Variants in PPP2R2C observed in about 807,000 individuals in gnomAD.
PPP2R2C encodes the protein protein phosphatase 2, regulatory subunit B, gamma.
Under a neutral mutation model 45.3 loss-of-function variants are expected in PPP2R2C, and 10 were observed. That is an observed-to-expected ratio of 0.22 (90% CI 0.14 to 0.37). PPP2R2C has a LOEUF of 0.37. Among genes scored for constraint, PPP2R2C ranks in the 10% least tolerant of loss-of-function variants. PPP2R2C has a pLI of 1.00. For synonymous variants in PPP2R2C, 257 were observed against 245.4 expected (o/e 1.05, Z -0.44); for missense variants, 308 against 619.7 (o/e 0.50, Z 5.34).
intron 3 of PPP2R2C, among the ~76,000 whole-genome samples, chr4:6,377,871 A>G (rs1715459226): frequency 6.6e-6 from 1 of 152,110 alleles, no homozygotes; most frequent in Non-Finnish European, 1.5e-5. Flanking sequence ...TGAGGGGTAC[A>G]TGCTCCTCCC....
chr4:6,562,081 T>C (rs1725595114), intron 1 of PPP2R2C, among the ~76,000 whole-genome samples: 1 of 152,132 alleles, frequency 6.6e-6, no homozygotes, highest in South Asian at 2.1e-4. Context: ...AAACCCTCAC[T>C]CCACAGCAGG....
chr4:6,532,787 T>C (rs1307505778), intron 2 of PPP2R2C, among the ~76,000 whole-genome samples: 1 of 152,204 alleles, frequency 6.6e-6, no homozygotes, highest in African/African-American at 2.4e-5. Context: ...ATCACCCACA[T>C]GGCCCCCGGT....
intron 2 of PPP2R2C, among the ~76,000 whole-genome samples, chr4:6,514,842 G>C (rs939953257): frequency 2.0e-5 from 3 of 152,220 alleles, no homozygotes; most frequent in African/African-American, 7.2e-5. Flanking sequence ...CTCCAGAAGA[G>C]GGTCTGCTCC....
intron 1 of PPP2R2C, among the ~76,000 whole-genome samples, chr4:6,470,014 C>A (rs745887080): frequency 5.9e-5 from 9 of 152,222 alleles, no homozygotes; most frequent in Non-Finnish European, 1.3e-4. Flanking sequence ...GAGGTCCCAG[C>A]ACACAGCAGG....
chr4:6,369,267 G>T (rs1714601440), intron 5 of PPP2R2C, among the ~76,000 whole-genome samples: 1 of 152,220 alleles, frequency 6.6e-6, no homozygotes, highest in African/African-American at 2.4e-5. Flanking sequence ...GCTGGTGGCT[G>T]CCGCCCCATG....
chr4:6,505,552 A>G (rs1340160562), intron 2 of PPP2R2C, among the ~76,000 whole-genome samples: 2 of 152,250 alleles, frequency 1.3e-5, no homozygotes, highest in Non-Finnish European at 2.9e-5. Context: ...AAATTAATAA[A>G]CTTTTCATAG....
At chr4:6,350,542 A>G in intron 5 of PPP2R2C, 1 of 985,424 alleles carries the variant, frequency 1.0e-6, no homozygotes. Context: ...TTGCGTCATC[A>G]GGACACTCAT....
intron 1 of PPP2R2C, among the ~76,000 whole-genome samples, chr4:6,465,740 A>G (rs1213181344): frequency 6.6e-6 from 1 of 152,196 alleles, no homozygotes; most frequent in Non-Finnish European, 1.5e-5. Flanking sequence ...CAAACATAAG[A>G]GCACGTAACT....
chr4:6,468,893 A>C (rs1266780078), intron 1 of PPP2R2C, among the ~76,000 whole-genome samples: 1 of 151,712 alleles, frequency 6.6e-6, no homozygotes, highest in Non-Finnish European at 1.5e-5. Flanking sequence ...GAGACTTCCT[A>C]GCACCCTCCA....
rs978391579 is a variant in PPP2R2C at position 6,348,114 on chromosome 4, G to A, written c.626-104C>T. The A allele has an allele frequency of 1.0e-4, 140 of 1,333,388 alleles. 1 individual carries two copies. The Admixed American group carries it at 1.3e-3, about 12-fold the overall frequency. 82.6% of individuals were successfully genotyped at this position (1,333,388 alleles called of 1,614,324 possible). A position where few individuals can be genotyped will look rare whatever the true frequency, so the allele number is the denominator to read the frequency against. On this transcript the variant is annotated intron_variant, in intron 5 of 8. Transcript: ENST00000382599. Reference sequence around the variant, plus strand: ...TCCCGAGGCAAAACCGTCCACCCTCGCGTCTGAGCTGCCTCTCTGTTCCTG... The same window carrying A: ...TCCCGAGGCAAAACCGTCCACCCTCACGTCTGAGCTGCCTCTCTGTTCCTG...
intron 2 of PPP2R2C, among the ~76,000 whole-genome samples, chr4:6,489,247 A>G (rs138130672): frequency 1.4e-4 from 21 of 152,272 alleles, no homozygotes; most frequent in African/African-American, 3.6e-4. Flanking sequence ...CTGATGTCCA[A>G]TTGCTTGAAA....
intron 2 of PPP2R2C, among the ~76,000 whole-genome samples, chr4:6,494,780 T>C (rs961463778): frequency 8.5e-5 from 13 of 152,232 alleles, no homozygotes; most frequent in Non-Finnish European, 4.4e-5. Context: ...TCCTGGAGTG[T>C]GGCTGGAGAG....
At chr4:6,398,312 G>A (rs1026553139) in intron 1 of PPP2R2C, among the ~76,000 whole-genome samples, 3 of 138,916 alleles carry the variant, frequency 2.2e-5, no homozygotes, top group Non-Finnish European at 4.8e-5. Context: ...AAAAGAAAAT[G>A]GCAAGGCATG....
At chr4:6,470,606 A>G (rs909947980) in intron 1 of PPP2R2C, among the ~76,000 whole-genome samples, 2 of 152,158 alleles carry the variant, frequency 1.3e-5, no homozygotes, top group South Asian at 2.1e-4. Context: ...GGCCCGAGCC[A>G]GGCCACCGAG....
At chr4:6,448,248 C>T (rs989801551) in intron 1 of PPP2R2C, among the ~76,000 whole-genome samples, 6 of 152,252 alleles carry the variant, frequency 3.9e-5, no homozygotes, top group African/African-American at 1.4e-4. Context: ...CTGTTTGATC[C>T]CTGCTTTACT....
At chr4:6,450,477 AAGG>A (rs1464978413) in intron 1 of PPP2R2C, among the ~76,000 whole-genome samples, 1 of 152,162 alleles carries the variant, frequency 6.6e-6, no homozygotes, top group Non-Finnish European at 1.5e-5. Flanking sequence ...CAAGCACTGG[AAGG>A]AGAAGGAAGA....
chr4:6,560,949 C>G (rs572028993), intron 1 of PPP2R2C, among the ~76,000 whole-genome samples: 1 of 152,234 alleles, frequency 6.6e-6, no homozygotes, highest in African/African-American at 2.4e-5. Context: ...CCTCTTTGTG[C>G]CTTGTCTCAG....
chr4:6,403,909 G>T (rs1375108485), intron 1 of PPP2R2C, among the ~76,000 whole-genome samples: 2 of 151,836 alleles, frequency 1.3e-5, no homozygotes, highest in East Asian at 3.9e-4. Flanking sequence ...TGCCTGACAG[G>T]GATACACTGT....
chr4:6,374,824 G>T (rs997660040), intron 4 of PPP2R2C, among the ~76,000 whole-genome samples: 9 of 152,198 alleles, frequency 5.9e-5, no homozygotes, highest in African/African-American at 2.2e-4. Flanking sequence ...GTAAACAGCT[G>T]CCTCCAGTGT....
Sources: gnomAD v4.1 joint callset for allele counts (sites outside exome capture counted in the v4.1 genomes callset) on GRCh38, gnomAD v4.1.1 for gene constraint, MANE v1.5 for transcripts, NCBI Gene and HGNC (gene_info 2026-07-23, HGNC 2026-07-21) for gene names.